The following DLG1 variants were observed in gnomAD, a reference collection of about 807,000 sequenced individuals.
The protein encoded by DLG1 is disks large homolog 1.
DLG1 carries 42 observed loss-of-function variants against 123.4 expected under a neutral mutation model. The ratio of observed to expected loss-of-function variants is 0.34; its 90% CI spans 0.27 to 0.44. The LOEUF (loss-of-function observed/expected upper bound fraction) is 0.44, where lower values mean the gene tolerates loss of function less well. Ranked by LOEUF, DLG1 falls within the 20% of genes least tolerant of loss-of-function variation. The pLI, the probability that DLG1 is intolerant of heterozygous loss-of-function variation, is 1.00. For synonymous variants in DLG1, 317 were observed against 356.2 expected (o/e 0.89, Z 1.24); for missense variants, 942 against 1,082.6 (o/e 0.87, Z 1.82).
chr3:197,157,064 C>T (rs1333594561), intron 5 of DLG1, among the ~76,000 whole-genome samples: 1 of 152,200 alleles, frequency 6.6e-6, no homozygotes, highest in Non-Finnish European at 1.5e-5. Flanking sequence ...GAACATCATA[C>T]TCAGTGGTGA....
chr3:197,174,342 C>T (rs540768908), intron 5 of DLG1, among the ~76,000 whole-genome samples: 13 of 152,142 alleles, frequency 8.5e-5, no homozygotes, highest in South Asian at 6.2e-4. Context: ...ATGGAAGCGA[C>T]AATTTAAAAA....
At chr3:197,045,436 T>TAAGA (rs879435526) in intron 24 of DLG1, among the ~76,000 whole-genome samples, 1 of 152,102 alleles carries the variant, frequency 6.6e-6, no homozygotes, top group Admixed American at 6.6e-5. Flanking sequence ...ACTAACTTTT[T>TAAGA]AAGAAAGAAA....
intron 14 of DLG1, among the ~76,000 whole-genome samples, chr3:197,104,604 C>G (rs1214788046): frequency 2.0e-5 from 3 of 152,068 alleles, no homozygotes; most frequent in Admixed American, 1.3e-4. Flanking sequence ...ATCACTTGAA[C>G]CTGGGAGGCA....
rs769407802 is a variant in DLG1 at position 197,081,033 on chromosome 3, G to C, written c.1905+18C>G. 1.2e-6 allele frequency: 2 copies of C among 1,605,004 alleles called. No individual in the cohort carries two copies. Among genetic ancestry groups the C allele is most frequent in the Admixed American group, 3.4e-5 (2 of 59,038 alleles). On this transcript the variant is annotated intron_variant, in intron 17 of 24. Transcript: ENST00000667157. ...CTCAAACAGGAATTACAAAAATGTA[G>C]AGATTTCAAATACTCACCCCTTTAT...
intron 4 of DLG1, among the ~76,000 whole-genome samples, chr3:197,219,786 T>C (rs988982810): frequency 2.0e-5 from 3 of 152,044 alleles, no homozygotes; most frequent in African/African-American, 7.2e-5. Flanking sequence ...AGTAAGAAGG[T>C]GGCCATCTGC....
At chr3:197,293,701 T>C (rs940407326) in intron 3 of DLG1, among the ~76,000 whole-genome samples, 1 of 151,972 alleles carries the variant, frequency 6.6e-6, no homozygotes, top group Non-Finnish European at 1.5e-5. Context: ...AAATGATCAA[T>C]GCAGACTGAA....
At chr3:197,073,757 A>G (rs187887994) in intron 18 of DLG1, among the ~76,000 whole-genome samples, 1 of 152,308 alleles carries the variant, frequency 6.6e-6, no homozygotes, top group East Asian at 1.9e-4. Context: ...CTCTTCAATT[A>G]AATACCCCAT....
chr3:197,109,893 G>A (rs901847376), intron 13 of DLG1, among the ~76,000 whole-genome samples: 1 of 152,124 alleles, frequency 6.6e-6, no homozygotes, highest in African/African-American at 2.4e-5. Flanking sequence ...CCTTGCACGT[G>A]GTGAGTCATT....
chr3:197,076,664 T>C lies in DLG1; in HGVS notation c.1927A>G (p.Lys643Glu). Residue 643 changes from lysine to glutamate, a missense_variant, in exon 18 of 25, where the codon AAA becomes GAA. Lys to Glu is a moderately conservative substitution (Grantham distance 56, BLOSUM62 1). Transcript: ENST00000667157. The stretch of plus-strand genomic sequence containing the variant: ...AATTTTCGGGAAAAGAGGTTCTTTT[T>C]ACGCTTGTCATTGAATGACTGCTGA... Reference protein sequence around the residue: ...DKGQSFNDKRKKNLFSRKFPF... With the variant: ...DKGQSFNDKREKNLFSRKFPF... 1 of 1,612,860 alleles carries C rather than the reference T, an allele frequency of 6.2e-7. No homozygotes were observed. The highest frequency in any genetic ancestry group is 8.5e-7 in the Non-Finnish European group (1 of 1,179,116).
At chr3:197,272,450 G>A (rs1176718176) in intron 4 of DLG1, among the ~76,000 whole-genome samples, 2 of 152,050 alleles carry the variant, frequency 1.3e-5, no homozygotes, top group Non-Finnish European at 2.9e-5. Flanking sequence ...TAAGTGTTTG[G>A]TCCCTGCCCT....
intron 5 of DLG1, chr3:197,184,240 C>G: frequency 2.5e-6 from 1 of 407,286 alleles, no homozygotes; most frequent in Non-Finnish European, 3.3e-6. Context: ...TAATGCACTG[C>G]GTGGAAAAAC....
chr3:197,138,990 T>C lies in DLG1; in HGVS notation c.714-599A>G, dbSNP rs1353402468. On this transcript the variant is annotated intron_variant, in intron 8 of 24. Transcript: ENST00000667157. ...AAGTAAAAATAATTTTCTGAGTGCC[T>C]ATTCCAACCTATATATTAGACATAA... Among the ~76,000 whole-genome samples the C allele has an allele frequency of 2.0e-5, 3 of 152,206 alleles. No individual in the cohort carries two copies. In the South Asian group the frequency reaches 6.2e-4, roughly 31 times the overall value.
Position 197,215,770 on chromosome 3 carries a change from G to C in DLG1, c.319-21181C>G, listed in dbSNP as rs146167311. 9.8e-3 allele frequency among the ~76,000 whole-genome samples: 1,491 copies of C among 152,126 alleles called. 17 individuals are homozygous for C. Among genetic ancestry groups the C allele is most frequent in the South Asian group, 0.023 (113 of 4,822 alleles). The stretch of plus-strand genomic sequence containing the variant: ...AGGAATTGTTTTTTAAAAAAGCAAG[G>C]AATACCAAATATAGAATTCAGAATT... On this transcript the variant is annotated intron_variant, in intron 4 of 24. Transcript: ENST00000667157.
chr3:197,256,347 A>G (rs1267136177), intron 4 of DLG1, among the ~76,000 whole-genome samples: 1 of 152,284 alleles, frequency 6.6e-6, no homozygotes, highest in Non-Finnish European at 1.5e-5. Flanking sequence ...AATTTGGCCC[A>G]CTGGCCATAG....
chr3:197,292,527 T>C (rs1483914115), intron 3 of DLG1, among the ~76,000 whole-genome samples: 1 of 152,222 alleles, frequency 6.6e-6, no homozygotes, highest in Non-Finnish European at 1.5e-5. Flanking sequence ...TGAAGATTTG[T>C]TTCACAACAA....
At chr3:197,183,503 T>C (rs2150155464) in intron 5 of DLG1, 2 of 1,348,212 alleles carry the variant, frequency 1.5e-6, no homozygotes, top group Non-Finnish European at 2.0e-6. Context: ...AAAAAATCTA[T>C]ATTAAGACAT....
intron 4 of DLG1, among the ~76,000 whole-genome samples, chr3:197,247,298 T>C (rs181632191): frequency 9.9e-5 from 15 of 152,172 alleles, no homozygotes; most frequent in South Asian, 2.1e-4. Context: ...CCAGAGAACA[T>C]TGATTCAGGA....
chr3:197,169,440 G>A (rs1039469426), intron 5 of DLG1, among the ~76,000 whole-genome samples: 3 of 152,198 alleles, frequency 2.0e-5, no homozygotes, highest in African/African-American at 7.2e-5. Flanking sequence ...TTTGAATGTA[G>A]AGTTGGTATA....
At chr3:197,110,011 TC>T (rs1465523469) in intron 13 of DLG1, among the ~76,000 whole-genome samples, 2 of 152,210 alleles carry the variant, frequency 1.3e-5, no homozygotes, top group Admixed American at 1.3e-4. Flanking sequence ...TCACTGAGGT[TC>T]TTGGATTAAT....
Sources: gnomAD v4.1 joint callset for allele counts (sites outside exome capture counted in the v4.1 genomes callset) on GRCh38, gnomAD v4.1.1 for gene constraint, MANE v1.5 for transcripts, NCBI Gene and HGNC (gene_info 2026-07-23, HGNC 2026-07-21) for gene names.